STX18: variants seen among roughly 807,000 people sequenced by gnomAD.
The protein encoded by STX18 is syntaxin 18.
STX18 carries 40 observed loss-of-function variants against 50.1 expected under a neutral mutation model. The ratio of observed to expected loss-of-function variants is 0.80; its 90% CI spans 0.62 to 1.04. The LOEUF is 1.04. STX18 is among the 50% of genes least tolerant of loss of function. STX18 has a pLI of 0.00. For synonymous variants in STX18, 158 were observed against 151.8 expected (o/e 1.04, Z -0.30); for missense variants, 410 against 415.8 (o/e 0.99, Z 0.12).
chr4:4,459,448 T>C lies in STX18; in HGVS notation c.276A>G (p.Glu92=). ...MSEYGRMTDT[E]RDQIDQDAQI... is the part of the protein sequence containing the mutation. ...GGGCATCCTGGTCTATCTGGTCTCG[T>C]TCTGTGTCTGTCATCCTCCCATATT... is the stretch of plus-strand genomic sequence containing the variant. Residue 92 remains glutamate (E), a synonymous_variant, in exon 3 of 11, where the codon GAA becomes GAG. Transcript: ENST00000306200. The C allele has an allele frequency of 6.2e-7, 1 of 1,614,136 alleles. No individual in the cohort carries two copies. The highest frequency in any genetic ancestry group is 8.5e-7 in the Non-Finnish European group (1 of 1,180,008).
chr4:4,439,444 TC>T (rs1213191169), intron 5 of STX18, among the ~76,000 whole-genome samples: 3 of 60,678 alleles, frequency 4.9e-5, no homozygotes, highest in African/African-American at 2.1e-4. Context: ...ACATATACCC[TC>T]CCCCACACAC....
chr4:4,490,928 C>T (rs963690661), intron 1 of STX18, among the ~76,000 whole-genome samples: 2 of 152,070 alleles, frequency 1.3e-5, no homozygotes, highest in African/African-American at 4.8e-5. Context: ...TTTATACTTT[C>T]ACACAAACTT....
Position 4,438,346 on chromosome 4 carries a change from A to T in STX18, c.613+48T>A, listed in dbSNP as rs747957526. On this transcript the variant is annotated intron_variant, in intron 6 of 10. Transcript: ENST00000306200. ...GTTCCTGTGCTGTACTCTTGCCAAC[A>T]TGTCACAAGGAAGAAATGCAAGGTG... 15 of 1,416,148 alleles carry T rather than the reference A, an allele frequency of 1.1e-5. No homozygotes were observed. The Admixed American group carries it at 1.5e-4, about 15-fold the overall frequency. The allele number at this position is 1,416,148 out of a possible 1,614,324, so 87.7% of individuals were successfully genotyped here.
In STX18 at chr4:4,527,249, T is replaced by G. The variant is rs138302490; in HGVS notation, c.168+14548A>C. On this transcript the variant is annotated intron_variant, in intron 1 of 10. Coordinates refer to ENST00000306200, the MANE Select transcript of STX18 (RefSeq NM_016930.4). ...CTCCACAGTTAAGATGACATCAAAC[T>G]ACATATTTTGCAAGAATATTTCCTT... is the stretch of plus-strand genomic sequence containing the variant. Among the ~76,000 whole-genome samples the G allele has an allele frequency of 2.2e-4, 33 of 152,326 alleles. No individual in the cohort carries two copies. The East Asian group carries it at 6.2e-3, about 28-fold the overall frequency.
At chr4:4,487,517 G>T (rs1406753430) in intron 1 of STX18, among the ~76,000 whole-genome samples, 1 of 152,168 alleles carries the variant, frequency 6.6e-6, no homozygotes, top group African/African-American at 2.4e-5. Flanking sequence ...AAAAGCCAGG[G>T]TCCATACTCT....
intron 1 of STX18, among the ~76,000 whole-genome samples, chr4:4,513,756 A>C (rs1730112757): frequency 6.6e-6 from 1 of 152,216 alleles, no homozygotes; most frequent in African/African-American, 2.4e-5. Flanking sequence ...CTCAATCTTG[A>C]CAGCAAAGCC....
chr4:4,433,084 T>C (rs1460208836), intron 7 of STX18, among the ~76,000 whole-genome samples: 3 of 152,262 alleles, frequency 2.0e-5, no homozygotes, highest in Non-Finnish European at 4.4e-5. Flanking sequence ...AGGTTGGCTC[T>C]GCTGCTCTAC....
At chr4:4,503,159 G>T (rs1403914687) in intron 1 of STX18, among the ~76,000 whole-genome samples, 1 of 152,196 alleles carries the variant, frequency 6.6e-6, no homozygotes, top group African/African-American at 2.4e-5. Flanking sequence ...TCCAAGAACT[G>T]CGTGGGGTGG....
intron 1 of STX18, among the ~76,000 whole-genome samples, chr4:4,505,575 T>A (rs1047084097): frequency 1.3e-5 from 2 of 151,834 alleles, no homozygotes; most frequent in African/African-American, 2.4e-5. Context: ...AGGCCAGGTG[T>A]TCGAGACCAG....
chr4:4,476,474 A>G (rs1000050608), intron 1 of STX18, among the ~76,000 whole-genome samples: 2 of 152,222 alleles, frequency 1.3e-5, no homozygotes, highest in Admixed American at 1.3e-4. Flanking sequence ...ATTACGGGGA[A>G]CTAGCATGGG....
At chr4:4,519,083 T>C (rs1329180914) in intron 1 of STX18, among the ~76,000 whole-genome samples, 1 of 152,126 alleles carries the variant, frequency 6.6e-6, no homozygotes, top group African/African-American at 2.4e-5. Flanking sequence ...CAATAAAATA[T>C]CATACATAAG....
intron 1 of STX18, among the ~76,000 whole-genome samples, chr4:4,476,928 A>G (rs369910980): frequency 1.3e-5 from 2 of 152,112 alleles, no homozygotes; most frequent in South Asian, 2.1e-4. Flanking sequence ...GGGCTTGGGC[A>G]GTGGCTTAAG....
At chr4:4,534,795 C>T (rs1207437664) in intron 1 of STX18, among the ~76,000 whole-genome samples, 1 of 152,276 alleles carries the variant, frequency 6.6e-6, no homozygotes, top group Admixed American at 6.5e-5. Flanking sequence ...CCTCTGCAGG[C>T]TATCGCTCTG....
chr4:4,471,393 A>T (rs1410771015), intron 2 of STX18, among the ~76,000 whole-genome samples: 1 of 152,232 alleles, frequency 6.6e-6, no homozygotes, highest in Non-Finnish European at 1.5e-5. Flanking sequence ...TTCATTTGAC[A>T]GGAGATAATG....
chr4:4,503,948 T>C (rs377434023), intron 1 of STX18, among the ~76,000 whole-genome samples: 7 of 152,204 alleles, frequency 4.6e-5, no homozygotes, highest in Non-Finnish European at 1.0e-4. Flanking sequence ...TAAAGAATTA[T>C]AGATGTCAGA....
chr4:4,489,228 T>A (rs567442481), intron 1 of STX18, among the ~76,000 whole-genome samples: 16 of 152,042 alleles, frequency 1.1e-4, no homozygotes, highest in Non-Finnish European at 2.1e-4. Context: ...AATACAAATG[T>A]CCAAATTCCA....
chr4:4,505,788 A>C (rs57452556), intron 1 of STX18, among the ~76,000 whole-genome samples: 28,259 of 152,072 alleles, frequency 0.19, 2,896 homozygotes, highest in East Asian at 0.33. Context: ...TGTCTCAAAA[A>C]ACAAAAACAA....
intron 5 of STX18, among the ~76,000 whole-genome samples, chr4:4,445,733 T>C (rs767162905): frequency 6.6e-6 from 1 of 152,102 alleles, no homozygotes; most frequent in Non-Finnish European, 1.5e-5. Flanking sequence ...TGTTTGTGGA[T>C]AGATGTTAAG....
intron 2 of STX18, among the ~76,000 whole-genome samples, chr4:4,462,368 TA>T (rs1267733046): frequency 6.6e-6 from 1 of 152,152 alleles, no homozygotes; most frequent in Non-Finnish European, 1.5e-5. Context: ...CCACATTTTA[TA>T]AAAAAGAAAA....
Sources: gnomAD v4.1 joint callset for allele counts (sites outside exome capture counted in the v4.1 genomes callset) on GRCh38, gnomAD v4.1.1 for gene constraint, MANE v1.5 for transcripts, NCBI Gene and HGNC (gene_info 2026-07-23, HGNC 2026-07-21) for gene names.